PCM1: variants seen among roughly 807,000 people sequenced by gnomAD.
The protein encoded by PCM1 is pericentriolar material 1 protein.
In PCM1, 157 loss-of-function variants were observed where a neutral mutation model predicts 241.9. The ratio of observed to expected loss-of-function variants is 0.65; its 90% CI spans 0.57 to 0.74. The LOEUF is 0.74. Among genes scored for constraint, PCM1 ranks in the 30% least tolerant of loss-of-function variants. The pLI is 0.00. For missense variants in PCM1, 3,478 were observed against 2,360.1 expected (o/e 1.47, Z -9.81); for synonymous variants, 1,085 against 784.9 (o/e 1.38, Z -6.39).
chr8:17,931,033 T>C (rs1264845859), intron 2 of PCM1, among the ~76,000 whole-genome samples: 2 of 152,362 alleles, frequency 1.3e-5, no homozygotes, highest in South Asian at 4.1e-4. Context: ...GCAATCACAG[T>C]GTAACAGTGG....
rs1247625915 is a variant in PCM1 at position 17,953,155 on chromosome 8, A to T, written c.1257A>T (p.Thr419=). The change falls in exon 9 of 39, where the codon ACA becomes ACT. Residue 419 remains threonine (T), a synonymous_variant. Transcript: ENST00000325083. ...KMDKLLGELH[T]LRDQHLNNSS... Reference sequence around the variant, plus strand: ...ACAAATTGCTTGGAGAACTTCATACACTTCGAGATCAGCATCTTAACAATT... The same window carrying T: ...ACAAATTGCTTGGAGAACTTCATACTCTTCGAGATCAGCATCTTAACAATT... 2 of 1,579,498 alleles carry T rather than the reference A, an allele frequency of 1.3e-6. No individual in the cohort carries two copies. The highest frequency in any genetic ancestry group is 1.7e-6 in the Non-Finnish European group (2 of 1,160,982).
chr8:17,957,512 TG>T, intron 12 of PCM1, 27 bp from the exon 13 acceptor site: 1 of 1,602,812 alleles, frequency 6.2e-7, no homozygotes, highest in Non-Finnish European at 8.5e-7. Flanking sequence ...TAAAAGTTAC[TG>T]GTTTTAATTA....
intron 24 of PCM1, among the ~76,000 whole-genome samples, chr8:17,982,148 CT>C (rs1336030017): frequency 1.3e-5 from 2 of 152,178 alleles, no homozygotes; most frequent in African/African-American, 4.8e-5. Flanking sequence ...TAAAGCTGAA[CT>C]TAGAAGCTGG....
chr8:18,010,541 A>C (rs1353814822), intron 31 of PCM1, 68 bp from the exon 32 acceptor site: 9 of 1,167,494 alleles, frequency 7.7e-6, no homozygotes, highest in Non-Finnish European at 1.1e-5. Context: ...GGAGGCTGAG[A>C]CATGAGAAAT....
At chr8:17,956,501 G>T in intron 10 of PCM1, 103 bp from the exon 11 acceptor site, 1 of 687,670 alleles carries the variant, frequency 1.5e-6, no homozygotes. Context: ...TATTCCATTA[G>T]GTCTAAATTT....
rs6991775 is a variant in PCM1 at position 17,963,205 on chromosome 8, A to T, written c.2568A>T (p.Leu856=). ...CTGAACATCAGAGGAGGCAAGGTCT[A>T]GCTGAAACTGCATCTCCAGTGGCTG... The part of the protein sequence containing the change: ...LMAEHQRRQG[L]AETASPVAVS... Residue 856 remains leucine, a synonymous_variant, in exon 17 of 39, where the codon CTA becomes CTT. Coordinates refer to ENST00000325083, the MANE Select transcript of PCM1 (RefSeq NM_006197.4). The T allele has an allele frequency of 0.16, 261,122 of 1,613,154 alleles. 23,682 individuals are homozygous for T. Among genetic ancestry groups the T allele is most frequent in the East Asian group, 0.39 (17,590 of 44,828 alleles).
chr8:17,957,208 T>G (rs1225655355), intron 11 of PCM1, 56 bp from the exon 12 acceptor site: 2 of 1,428,924 alleles, frequency 1.4e-6, no homozygotes, highest in East Asian at 4.6e-5. Flanking sequence ...AAACTTGGAT[T>G]TCTTTCTCTC....
intron 29 of PCM1, among the ~76,000 whole-genome samples, chr8:18,001,882 C>T (rs2089558165): frequency 6.6e-6 from 1 of 151,872 alleles, no homozygotes; most frequent in Non-Finnish European, 1.5e-5. Context: ...AAAAAGTCAG[C>T]TGATCGTGTC....
Position 18,011,298 on chromosome 8 carries a change from A to G in PCM1, c.5282A>G (p.Lys1761Arg), listed in dbSNP as rs756164152. ...ACATCTGAGGTGTATGATGGTCCCAAAAATGTAAGATCTGATATTTCTGAT... is the reference window on the plus strand; with the variant it reads ...ACATCTGAGGTGTATGATGGTCCCAGAAATGTAAGATCTGATATTTCTGAT... Reference protein sequence around the residue: ...TQTSEVYDGPKNVRSDISDQE... With the variant: ...TQTSEVYDGPRNVRSDISDQE... The change falls in exon 33 of 39, where the codon AAA (lysine) becomes AGA (arginine). Residue 1761 changes from lysine (K) to arginine (R), a missense_variant. Lys to Arg is a conservative substitution (Grantham distance 26). Coordinates refer to ENST00000325083, the MANE Select transcript of PCM1 (RefSeq NM_006197.4). The G allele has an allele frequency of 9.3e-6, 15 of 1,608,098 alleles. No individual in the cohort carries two copies. The African/African-American group carries it at 1.3e-4, about 14-fold the overall frequency.
At chr8:17,994,286 T>A (rs1303271411) in intron 29 of PCM1, among the ~76,000 whole-genome samples, 1 of 152,220 alleles carries the variant, frequency 6.6e-6, no homozygotes, top group Non-Finnish European at 1.5e-5. Context: ...CATATGAAGT[T>A]TGTCTTTCTG....
rs954912914 is a variant in PCM1 at position 18,029,895 on chromosome 8, T to C, written c.*2233T>C. ...GAGGTACTCTTTGTATTTTGTAACATTGACTTTGGGTAAATGCTTTTTCAC... is the reference window on the plus strand; with the variant it reads ...GAGGTACTCTTTGTATTTTGTAACACTGACTTTGGGTAAATGCTTTTTCAC... On this transcript the variant is annotated 3_prime_UTR_variant, in exon 39 of 39. Transcript: ENST00000325083. 4 of 191,204 alleles carry C rather than the reference T, an allele frequency of 2.1e-5. No homozygotes were observed. The highest frequency in any genetic ancestry group is 1.9e-3 in the Middle Eastern group (1 of 536). 11.8% of individuals were successfully genotyped at this position (191,204 alleles called of 1,614,324 possible).
At position 18,000,659 on chromosome 8, in the gene PCM1, T is replaced by C. The variant is rs143745898; in HGVS notation, c.4828-5604T>C. Among the ~76,000 whole-genome samples, 667 of 152,208 alleles carry C rather than the reference T, an allele frequency of 4.4e-3. 10 individuals carry two copies. The highest frequency in any genetic ancestry group is 0.015 in the African/African-American group (629 of 41,538). On this transcript the variant is annotated intron_variant, in intron 29 of 38. Coordinates refer to ENST00000325083, the MANE Select transcript of PCM1 (RefSeq NM_006197.4). Reference sequence around the variant, plus strand: ...GGTTTGAGACAGAGGCTCACTCTTATCACCCAGGCGGGAATGCAGTGGCGC... The same window carrying C: ...GGTTTGAGACAGAGGCTCACTCTTACCACCCAGGCGGGAATGCAGTGGCGC...
chr8:17,979,942 T>G (rs528291104), intron 23 of PCM1, among the ~76,000 whole-genome samples: 1 of 152,224 alleles, frequency 6.6e-6, no homozygotes, highest in South Asian at 2.1e-4. Context: ...AATAGCTAAG[T>G]TGAACACATA....
intron 8 of PCM1, among the ~76,000 whole-genome samples, chr8:17,951,477 C>G (rs2129458541): frequency 6.6e-6 from 1 of 152,326 alleles, no homozygotes; most frequent in East Asian, 1.9e-4. Flanking sequence ...TTCATGGCAA[C>G]TCTGTGTTAA....
At chr8:17,940,204 A>T (rs1316631703) in intron 6 of PCM1, 7 of 995,756 alleles carry the variant, frequency 7.0e-6, no homozygotes, top group Non-Finnish European at 1.1e-5. Context: ...GAAGGTTTAA[A>T]TTTTTCTCCC....
At chr8:17,961,591 G>A (rs1287321335) in intron 15 of PCM1, among the ~76,000 whole-genome samples, 2 of 152,132 alleles carry the variant, frequency 1.3e-5, no homozygotes, top group South Asian at 2.1e-4. Flanking sequence ...GATTACAGGC[G>A]TGAGCCACCG....
At chr8:17,950,755 T>TA (rs1220979056) in intron 8 of PCM1, 31 bp downstream of exon 8, 21 of 1,182,824 alleles carry the variant, frequency 1.8e-5, no homozygotes, top group African/African-American at 7.6e-5. Context: ...TAGTTGAGTT[T>TA]AAAAAATCAC....
In PCM1 at chr8:17,957,174, T is replaced by C. The variant is rs528809186; in HGVS notation, c.1647-90T>C. On this transcript the variant is annotated intron_variant, in intron 11 of 38. Coordinates refer to ENST00000325083, the MANE Select transcript of PCM1 (RefSeq NM_006197.4). ...GGAATAGCCAACAATGTGCTTGGTT[T>C]GGTGTTATTTTATTAGCAGTTCTAA... is the stretch of plus-strand genomic sequence containing the variant. The C allele has an allele frequency of 3.4e-5, 34 of 997,430 alleles. 1 individual carries two copies. The South Asian group carries it at 6.0e-4, about 18-fold the overall frequency. 61.8% of individuals were successfully genotyped at this position (997,430 alleles called of 1,614,324 possible).
chr8:17,998,013 G>A lies in PCM1; in HGVS notation c.4827+4394G>A, dbSNP rs554633264. Among the ~76,000 whole-genome samples, 34 of 150,844 alleles carry A rather than the reference G, an allele frequency of 2.3e-4. No individual in the cohort carries two copies. In the South Asian group the frequency reaches 6.8e-3, roughly 30 times the overall value. The stretch of plus-strand genomic sequence containing the variant: ...ATTGTGCCACCACACTCTAGCCTGG[G>A]TGACAGAGCAAGGCTCCGTCTGAAA... On this transcript the variant is annotated intron_variant, in intron 29 of 38. Transcript: ENST00000325083.
Sources: allele counts gnomAD v4.1 joint callset (sites outside exome capture counted in the v4.1 genomes callset), GRCh38; gene constraint gnomAD v4.1.1; transcripts MANE v1.5; gene names NCBI Gene and HGNC (gene_info 2026-07-23, HGNC 2026-07-21).